Variants in CBLB observed in about 807,000 individuals in gnomAD.
CBLB encodes E3 ubiquitin-protein ligase CBL-B.
Under a neutral mutation model 104.9 loss-of-function variants are expected in CBLB, and 31 were observed. The observed-to-expected ratio is 0.30, with a 90% CI of 0.22 to 0.40. The LOEUF is 0.40. Among genes scored for constraint, CBLB ranks in the 10% least tolerant of loss-of-function variants. CBLB has a pLI of 1.00. For synonymous variants in CBLB, 440 were observed against 422.6 expected, an observed-to-expected ratio of 1.04 and a Z score of -0.51; for missense variants, 1,062 against 1,214.6, an observed-to-expected ratio of 0.87 and a Z score of 1.87.
intron 4 of CBLB, among the ~76,000 whole-genome samples, chr3:105,767,318 A>G (rs1201334886): frequency 6.6e-6 from 1 of 152,086 alleles, no homozygotes; most frequent in Non-Finnish European, 1.5e-5. Flanking sequence ...AGAAGAATAT[A>G]TATCTCACTC....
intron 13 of CBLB, among the ~76,000 whole-genome samples, chr3:105,687,472 C>T (rs2152742958): frequency 6.6e-6 from 1 of 152,156 alleles, no homozygotes; most frequent in Middle Eastern, 3.4e-3. Context: ...AAAAGCAAAG[C>T]TCATCTAATA....
intron 4 of CBLB, among the ~76,000 whole-genome samples, chr3:105,752,544 C>CCCTCTTATAAGATAACAT (rs2076686549): frequency 6.6e-6 from 1 of 152,176 alleles, no homozygotes; most frequent in Non-Finnish European, 1.5e-5. Flanking sequence ...TAAAAGCCGT[C>CCCTCTTATAAGATAACAT]CCTCTTATAA....
intron 10 of CBLB, among the ~76,000 whole-genome samples, chr3:105,706,526 CA>C (rs923680732): frequency 2.5e-4 from 38 of 152,022 alleles, no homozygotes; most frequent in African/African-American, 8.7e-4. Context: ...CCTTCTGGAG[CA>C]AAACTAATCC....
intron 3 of CBLB, among the ~76,000 whole-genome samples, chr3:105,846,301 A>T (rs1182512052): frequency 6.6e-6 from 1 of 152,108 alleles, no homozygotes; most frequent in Non-Finnish European, 1.5e-5. Context: ...TTAATTTTTT[A>T]AATGTAAAAT....
At chr3:105,835,055 G>A (rs2088234945) in intron 3 of CBLB, among the ~76,000 whole-genome samples, 1 of 152,136 alleles carries the variant, frequency 6.6e-6, no homozygotes, top group African/African-American at 2.4e-5. Flanking sequence ...TGAACTATTA[G>A]CATCAGCCAT....
chr3:105,857,891 C>A (rs187981271), intron 2 of CBLB, among the ~76,000 whole-genome samples: 172 of 152,212 alleles, frequency 1.1e-3, no homozygotes, highest in African/African-American at 4.0e-3. Flanking sequence ...GTACAAACTG[C>A]TACAGGAGAA....
At chr3:105,855,971 A>C (rs185258276) in intron 2 of CBLB, among the ~76,000 whole-genome samples, 1 of 152,348 alleles carries the variant, frequency 6.6e-6, no homozygotes, top group Admixed American at 6.5e-5. Context: ...CAATCGAACT[A>C]TAATAACTTC....
At chr3:105,668,853 A>G (rs1189612463) in intron 18 of CBLB, among the ~76,000 whole-genome samples, 2 of 152,190 alleles carry the variant, frequency 1.3e-5, no homozygotes, top group Non-Finnish European at 2.9e-5. Context: ...ATCTTGATTC[A>G]GAAGTTTCAG....
At chr3:105,862,730 A>G (rs984173054) in intron 2 of CBLB, among the ~76,000 whole-genome samples, 2 of 152,148 alleles carry the variant, frequency 1.3e-5, no homozygotes, top group South Asian at 2.1e-4. Context: ...AAATTATTTG[A>G]CAAAAGCAAT....
chr3:105,747,379 G>A (rs2076210489), intron 5 of CBLB, among the ~76,000 whole-genome samples: 1 of 152,094 alleles, frequency 6.6e-6, no homozygotes, highest in Admixed American at 6.6e-5. Flanking sequence ...CCTCATTATT[G>A]TTAAGCAAGT....
chr3:105,705,041 G>GTTTCC (rs2069868549), intron 10 of CBLB, among the ~76,000 whole-genome samples: 3 of 129,352 alleles, frequency 2.3e-5, no homozygotes, highest in South Asian at 4.9e-4. Context: ...ATACTGGGCA[G>GTTTCC]TTTCCAAGTC....
intron 1 of CBLB, among the ~76,000 whole-genome samples, chr3:105,867,915 T>C (rs1237359644): frequency 2.7e-5 from 4 of 149,946 alleles, no homozygotes; most frequent in Admixed American, 1.3e-4. Context: ...CTTAAACAGG[T>C]TTCCCCCACC....
At chr3:105,810,869 T>G (rs2084199816) in intron 3 of CBLB, among the ~76,000 whole-genome samples, 1 of 152,128 alleles carries the variant, frequency 6.6e-6, no homozygotes, top group African/African-American at 2.4e-5. Flanking sequence ...TGATCAATTT[T>G]AGACCGTAAG....
intron 3 of CBLB, among the ~76,000 whole-genome samples, chr3:105,798,183 G>A (rs576237008): frequency 3.3e-5 from 5 of 152,242 alleles, no homozygotes; most frequent in East Asian, 3.9e-4. Flanking sequence ...TATATTGAAC[G>A]AAGAGATATA....
intron 2 of CBLB, among the ~76,000 whole-genome samples, chr3:105,860,997 T>C (rs2092036320): frequency 6.6e-6 from 1 of 152,164 alleles, no homozygotes; most frequent in African/African-American, 2.4e-5. Context: ...AATACTTTTT[T>C]CATTGATACT....
intron 3 of CBLB, among the ~76,000 whole-genome samples, chr3:105,827,317 T>C (rs1248569197): frequency 6.6e-6 from 1 of 151,782 alleles, no homozygotes; most frequent in Non-Finnish European, 1.5e-5. Context: ...ATTATGAAAC[T>C]TTTTTTTTCC....
chr3:105,763,077 T>C (rs2077823046), intron 4 of CBLB, among the ~76,000 whole-genome samples: 1 of 152,184 alleles, frequency 6.6e-6, no homozygotes, highest in Admixed American at 6.5e-5. Flanking sequence ...TTCGGACTTG[T>C]GTGGGGCCTG....
chr3:105,866,441 ACT>A (rs1313769266), intron 2 of CBLB, among the ~76,000 whole-genome samples: 1 of 152,238 alleles, frequency 6.6e-6, no homozygotes, highest in African/African-American at 2.4e-5. Context: ...TTATAAAGAT[ACT>A]GAGTCTTGCC....
chr3:105,713,740 G>A (rs2071441150), intron 10 of CBLB, among the ~76,000 whole-genome samples: 1 of 152,170 alleles, frequency 6.6e-6, no homozygotes, highest in South Asian at 2.1e-4. Context: ...AGTAAACGAT[G>A]AACAACAAAC....
Sources: gnomAD v4.1 joint callset for allele counts (sites outside exome capture counted in the v4.1 genomes callset) on GRCh38, gnomAD v4.1.1 for gene constraint, MANE v1.5 for transcripts, NCBI Gene and HGNC (gene_info 2026-07-23, HGNC 2026-07-21) for gene names.